NLGN1: variants seen among roughly 807,000 people sequenced by gnomAD.
NLGN1 encodes neuroligin-1.
In NLGN1, 12 loss-of-function variants were observed where a neutral mutation model predicts 65.5. That is an observed-to-expected ratio of 0.18 (90% CI 0.12 to 0.30). NLGN1 has a LOEUF of 0.30. NLGN1 is among the 10% of genes least tolerant of loss of function. The probability of loss-of-function intolerance (pLI) is 1.00; values close to 1 mark genes in which losing one functional copy is unlikely to be tolerated. For synonymous variants in NLGN1, 350 were observed against 359.5 expected (o/e 0.97, Z 0.30); for missense variants, 750 against 1,007.1 (o/e 0.74, Z 3.46).
At chr3:173,624,451 T>C (rs1403491956) in intron 3 of NLGN1, among the ~76,000 whole-genome samples, 1 of 152,168 alleles carries the variant, frequency 6.6e-6, no homozygotes, top group Non-Finnish European at 1.5e-5. Context: ...ATGCTACTGC[T>C]GCTGTTTTCC....
chr3:173,446,295 A>C (rs1296389020), intron 2 of NLGN1, among the ~76,000 whole-genome samples: 2 of 148,928 alleles, frequency 1.3e-5, no homozygotes, highest in Non-Finnish European at 3.0e-5. Flanking sequence ...ATTCCCACCT[A>C]TGAGTGAGAA....
intron 2 of NLGN1, among the ~76,000 whole-genome samples, chr3:173,570,424 C>T (rs1323486250): frequency 1.3e-5 from 2 of 152,176 alleles, no homozygotes; most frequent in Non-Finnish European, 2.9e-5. Flanking sequence ...AAGCTATTCA[C>T]AACCATGTGA....
chr3:174,172,991 G>A (rs142702667), intron 4 of NLGN1, among the ~76,000 whole-genome samples: 71 of 151,952 alleles, frequency 4.7e-4, no homozygotes, highest in African/African-American at 1.6e-3. Flanking sequence ...CTGCAATTTC[G>A]TGCAGCAACA....
At chr3:173,935,169 A>G (rs1744822403) in intron 4 of NLGN1, among the ~76,000 whole-genome samples, 1 of 151,884 alleles carries the variant, frequency 6.6e-6, no homozygotes, top group Non-Finnish European at 1.5e-5. Flanking sequence ...TCAGGCCCTC[A>G]TCATTTTGCA....
intron 4 of NLGN1, among the ~76,000 whole-genome samples, chr3:174,098,998 A>T (rs1021272005): frequency 1.3e-5 from 2 of 152,200 alleles, no homozygotes; most frequent in East Asian, 3.8e-4. Flanking sequence ...CAAAATTAAG[A>T]TATCAACTAA....
At chr3:174,150,188 A>G (rs1724063206) in intron 4 of NLGN1, among the ~76,000 whole-genome samples, 1 of 152,172 alleles carries the variant, frequency 6.6e-6, no homozygotes, top group Non-Finnish European at 1.5e-5. Flanking sequence ...CTAAAATATC[A>G]GAAATATGAC....
chr3:174,037,522 C>A lies in NLGN1; in HGVS notation c.646+229690C>A, dbSNP rs957111085. Among the ~76,000 whole-genome samples, 6 of 152,016 alleles carry A rather than the reference C, an allele frequency of 3.9e-5. 1 individual carries two copies. Among genetic ancestry groups the A allele is most frequent in the Non-Finnish European group, 7.4e-5 (5 of 68,016 alleles). ...ACTAGCAATATAATATCCCTCAAAG[C>A]AAAATGGTTAAGAACGTAAGCTCTG... On this transcript the variant is annotated intron_variant, in intron 4 of 6. Transcript: ENST00000457714.
At chr3:173,956,362 ATTG>A (rs1377182193) in intron 4 of NLGN1, among the ~76,000 whole-genome samples, 2 of 152,068 alleles carry the variant, frequency 1.3e-5, no homozygotes, top group African/African-American at 2.4e-5. Flanking sequence ...GTTTTTCTTT[ATTG>A]TTGTAATCTC....
At chr3:173,951,726 G>T (rs967760869) in intron 4 of NLGN1, among the ~76,000 whole-genome samples, 2 of 152,072 alleles carry the variant, frequency 1.3e-5, no homozygotes, top group Admixed American at 6.5e-5. Flanking sequence ...CTCCCAAAGT[G>T]CTGGGATTAC....
At chr3:174,018,720 T>C (rs780634365) in intron 4 of NLGN1, among the ~76,000 whole-genome samples, 7 of 152,140 alleles carry the variant, frequency 4.6e-5, no homozygotes, top group Non-Finnish European at 8.8e-5. Context: ...CCAGTGGTGC[T>C]CATTGATTTC....
rs142588069 is a variant in NLGN1, at chr3:174,100,150, C to A, written c.647-175165C>A. Among the ~76,000 whole-genome samples, 511 of 152,006 alleles carry A rather than the reference C, an allele frequency of 3.4e-3. 3 individuals are homozygous for A. Among genetic ancestry groups the A allele is most frequent in the African/African-American group, 0.012 (488 of 41,490 alleles). Reference sequence around the variant, plus strand: ...AAATATTTCAGAGTTTGACTCGAAACGAAAACTCAAAATGTAATCTTGTGC... The same window carrying A: ...AAATATTTCAGAGTTTGACTCGAAAAGAAAACTCAAAATGTAATCTTGTGC... On this transcript the variant is annotated intron_variant, in intron 4 of 6. Transcript: ENST00000457714.
intron 2 of NLGN1, among the ~76,000 whole-genome samples, chr3:173,594,334 A>G (rs1749075178): frequency 6.6e-6 from 1 of 152,220 alleles, no homozygotes; most frequent in Admixed American, 6.5e-5. Context: ...CAGAGGGGCT[A>G]CAGGCCCCAT....
chr3:173,832,700 T>A (rs2150606260), intron 4 of NLGN1, among the ~76,000 whole-genome samples: 1 of 152,334 alleles, frequency 6.6e-6, no homozygotes, highest in Non-Finnish European at 1.5e-5. Context: ...TAAAAACACA[T>A]CGTTATACTT....
At chr3:174,012,011 TCTC>T (rs1214415460) in intron 4 of NLGN1, among the ~76,000 whole-genome samples, 1 of 152,046 alleles carries the variant, frequency 6.6e-6, no homozygotes, top group Non-Finnish European at 1.5e-5. Context: ...GACCACAACT[TCTC>T]CTCAAAGCTT....
At chr3:173,931,535 C>T (rs554332744) in intron 4 of NLGN1, among the ~76,000 whole-genome samples, 31 of 152,080 alleles carry the variant, frequency 2.0e-4, no homozygotes, top group African/African-American at 6.7e-4. Flanking sequence ...CAGAAGAAAT[C>T]GTAATTGCAA....
Position 174,280,631 on chromosome 3 carries a change from C to T in NLGN1, c.1800C>T (p.Ala600=), listed in dbSNP as rs1177985635. Residue 600 remains alanine (A), a synonymous_variant, in exon 7 of 7, where the codon GCC becomes GCT. Coordinates refer to ENST00000457714, the Ensembl canonical transcript of NLGN1. The surrounding 1 kb of genome is among the most constrained non-coding windows in gnomAD (Gnocchi z 4.9). ...CAAGAGTTAAAGAACATTACAGAGCCAATAAGGTGAACCTCTGGTTGGAGT... is the reference window on the plus strand; with the variant it reads ...CAAGAGTTAAAGAACATTACAGAGCTAATAAGGTGAACCTCTGGTTGGAGT... 2 of 1,613,246 alleles carry T rather than the reference C, an allele frequency of 1.2e-6. No homozygotes were observed. The highest frequency in any genetic ancestry group is 1.7e-6 in the Non-Finnish European group (2 of 1,179,514).
chr3:173,630,785 T>G (rs1755566962), intron 3 of NLGN1, among the ~76,000 whole-genome samples: 1 of 152,162 alleles, frequency 6.6e-6, no homozygotes, highest in South Asian at 2.1e-4. Flanking sequence ...ATGCCTTACT[T>G]ACATTTTCTT....
intron 4 of NLGN1, among the ~76,000 whole-genome samples, chr3:173,976,795 A>G (rs1579526026): frequency 6.6e-6 from 1 of 151,950 alleles, no homozygotes; most frequent in Admixed American, 6.6e-5. Flanking sequence ...TGGCAGTTCT[A>G]TCCATCTTTC....
intron 2 of NLGN1, among the ~76,000 whole-genome samples, chr3:173,518,573 G>T (rs1160742398): frequency 6.6e-6 from 1 of 151,604 alleles, no homozygotes; most frequent in Non-Finnish European, 1.5e-5. Context: ...TGTGGTGTGT[G>T]TGAGATATGA....
Sources: allele counts gnomAD v4.1 joint callset (sites outside exome capture counted in the v4.1 genomes callset), GRCh38; gene constraint gnomAD v4.1.1; non-coding constraint Gnocchi (gnomAD v3.1); transcripts MANE v1.5; gene names NCBI Gene and HGNC (gene_info 2026-07-23, HGNC 2026-07-21).